Variants in TTC7B observed in about 807,000 individuals in gnomAD.
The protein encoded by TTC7B is tetratricopeptide repeat domain 7B.
Under a neutral mutation model 106.8 loss-of-function variants are expected in TTC7B, and 28 were observed. The ratio of observed to expected loss-of-function variants is 0.26; its 90% CI spans 0.19 to 0.36. The LOEUF (loss-of-function observed/expected upper bound fraction) is 0.36. Ranked by LOEUF, TTC7B falls within the 10% of genes least tolerant of loss-of-function variation. TTC7B has a pLI of 1.00. For missense variants in TTC7B, 862 were observed against 1,076.4 expected, an observed-to-expected ratio of 0.80 and a Z score of 2.79; for synonymous variants, 405 against 430.6, an observed-to-expected ratio of 0.94 and a Z score of 0.74.
At chr14:90,729,885 G>C (rs529958246) in intron 5 of TTC7B, among the ~76,000 whole-genome samples, 190 bp downstream of exon 5, 17 of 151,938 alleles carry the variant, frequency 1.1e-4, no homozygotes, top group African/African-American at 4.1e-4. Context: ...ACATCTCATG[G>C]GAAAGCAAGA....
intron 5 of TTC7B, among the ~76,000 whole-genome samples, chr14:90,725,418 C>T (rs1277163427): frequency 6.6e-6 from 1 of 152,230 alleles, no homozygotes; most frequent in Non-Finnish European, 1.5e-5. Flanking sequence ...AGAAGGGCCT[C>T]TTGGACTCCT....
rs568637372 is a variant in TTC7B at position 90,593,817 on chromosome 14, A to G, written c.1967-191T>C. 17 of 491,670 alleles carry G rather than the reference A, an allele frequency of 3.5e-5. 1 individual carries two copies. The South Asian group carries it at 6.7e-4, about 19-fold the overall frequency. 30.5% of individuals were successfully genotyped at this position (491,670 alleles called of 1,614,324 possible). A position where few individuals can be genotyped will look rare whatever the true frequency, so the allele number is the denominator to read the frequency against. On this transcript the variant is annotated intron_variant, in intron 17 of 19. Coordinates refer to ENST00000328459, the MANE Select transcript of TTC7B (RefSeq NM_001010854.2). ...AGTTTCCATCCTTGGGCTTTAGCTAATCTTTTTGTCAACAAACAGAGCACA... is the reference window on the plus strand; with the variant it reads ...AGTTTCCATCCTTGGGCTTTAGCTAGTCTTTTTGTCAACAAACAGAGCACA...
Position 90,537,375 on chromosome 14 carries a change from G to GGGGT in TTC7B, c.*3992_*3993insACCC, listed in dbSNP as rs147720105. 1.5e-5 allele frequency: 2 copies of GGGGT among 135,280 alleles called. No individual in the cohort carries two copies. Among genetic ancestry groups the GGGGT allele is most frequent in the African/African-American group, 6.4e-5 (2 of 31,326 alleles). The allele number at this position is 135,280 out of a possible 1,614,324, so 8.4% of individuals were successfully genotyped here. Reference sequence around the variant, plus strand: ...CTATTTTTTTTTTTTTGTAGAGATGGGGGGGGGGTCTCACCATGTTGCCCA... The same window carrying GGGGT: ...CTATTTTTTTTTTTTTGTAGAGATGGGGGTGGGGGGGGTCTCACCATGTTGCCCA... On this transcript the variant is annotated 3_prime_UTR_variant, in exon 20 of 20. Transcript: ENST00000328459.
intron 17 of TTC7B, among the ~76,000 whole-genome samples, chr14:90,609,445 G>A (rs550352864): frequency 9.2e-5 from 14 of 152,326 alleles, no homozygotes; most frequent in African/African-American, 2.9e-4. Flanking sequence ...CTGTTGGGGT[G>A]GGCCAGGCTT....
At chr14:90,634,493 C>G (rs546052526) in intron 15 of TTC7B, among the ~76,000 whole-genome samples, 1 of 151,624 alleles carries the variant, frequency 6.6e-6, no homozygotes, top group East Asian at 1.9e-4. Context: ...AGAGGGAGGC[C>G]GGGTGGGGTG....
chr14:90,730,206 G>T lies in TTC7B; in HGVS notation c.577-10C>A. On this transcript the variant is annotated splice_polypyrimidine_tract_variant and intron_variant, in intron 4 of 19. Transcript: ENST00000328459. ...TATTAGAAAGTATTACCTAGAAGGGGAGAAAATTGGAAAACTAATCAGATG... is the reference window on the plus strand; with the variant it reads ...TATTAGAAAGTATTACCTAGAAGGGTAGAAAATTGGAAAACTAATCAGATG... 6.3e-7 allele frequency: 1 copy of T among 1,593,328 alleles called. No homozygotes were observed. The highest frequency in any genetic ancestry group is 8.5e-7 in the Non-Finnish European group (1 of 1,174,224).
At chr14:90,747,331 C>G (rs560306043) in intron 3 of TTC7B, among the ~76,000 whole-genome samples, 2 of 152,232 alleles carry the variant, frequency 1.3e-5, no homozygotes, top group Non-Finnish European at 2.9e-5. Flanking sequence ...TGAGCCTGGT[C>G]TCTCCTGAAT....
intron 6 of TTC7B, among the ~76,000 whole-genome samples, chr14:90,693,989 G>A (rs944629772): frequency 7.2e-5 from 11 of 152,144 alleles, no homozygotes; most frequent in Non-Finnish European, 1.0e-4. Flanking sequence ...CAAATAAAAT[G>A]TGATATATCC....
intron 5 of TTC7B, among the ~76,000 whole-genome samples, chr14:90,711,576 C>G (rs1888449226): frequency 6.6e-6 from 1 of 152,172 alleles, no homozygotes; most frequent in African/African-American, 2.4e-5. Flanking sequence ...TGCCCACCAC[C>G]ATGCCCAGAT....
chr14:90,755,487 G>T (rs1890260613), intron 3 of TTC7B, among the ~76,000 whole-genome samples: 1 of 151,968 alleles, frequency 6.6e-6, no homozygotes, highest in African/African-American at 2.4e-5. Context: ...ATCTTTAAAA[G>T]AAATAATAAT....
rs1454345007 is a variant in TTC7B, at chr14:90,537,440, C to T, written c.*3928G>A. 6.6e-6 allele frequency: 1 copy of T among 151,908 alleles called. No individual in the cohort carries two copies. Among genetic ancestry groups the T allele is most frequent in the Admixed American group, 6.6e-5 (1 of 15,252 alleles). 9.4% of individuals were successfully genotyped at this position (151,908 alleles called of 1,614,324 possible). A position where few individuals can be genotyped will look rare whatever the true frequency, so the allele number is the denominator to read the frequency against. ...TCCTGGCCTCAGCTGATTCTCCTGC[C>T]TCAGCCTCCCTAAGTGCTGGGATTA... is the stretch of plus-strand genomic sequence containing the variant. On this transcript the variant is annotated 3_prime_UTR_variant, in exon 20 of 20. Transcript: ENST00000328459.
chr14:90,743,977 G>A (rs991661352), intron 4 of TTC7B, among the ~76,000 whole-genome samples: 18 of 152,296 alleles, frequency 1.2e-4, no homozygotes, highest in Admixed American at 5.2e-4. Context: ...TCAGCTGCTC[G>A]TTTCCATCAC....
At chr14:90,721,544 G>T (rs1014948817) in intron 5 of TTC7B, among the ~76,000 whole-genome samples, 1 of 151,902 alleles carries the variant, frequency 6.6e-6, no homozygotes, top group East Asian at 1.9e-4. Flanking sequence ...TTTTAATTAC[G>T]TGAGACCAAT....
At chr14:90,738,116 A>G (rs1339202584) in intron 4 of TTC7B, among the ~76,000 whole-genome samples, 1 of 152,238 alleles carries the variant, frequency 6.6e-6, no homozygotes, top group East Asian at 1.9e-4. Context: ...AGAAAAGAAA[A>G]TAGAAATATA....
chr14:90,774,398 G>A (rs868026355), intron 3 of TTC7B, among the ~76,000 whole-genome samples: 1 of 152,208 alleles, frequency 6.6e-6, no homozygotes, highest in Admixed American at 6.5e-5. Context: ...CTAGAAAATG[G>A]ATCTGCAGCA....
chr14:90,534,014 G>A lies in TTC7B; in HGVS notation c.*7354C>T, dbSNP rs1555372473. ...GCAGACTCACATCTCAGCCCAGAAG[G>A]CAGGCTGGGCAGAGGTGACTGTCCT... On this transcript the variant is annotated 3_prime_UTR_variant, in exon 20 of 20. Transcript: ENST00000328459. 1 of 152,328 alleles carries A rather than the reference G, an allele frequency of 6.6e-6. No homozygotes were observed. The highest frequency in any genetic ancestry group is 1.5e-5 in the Non-Finnish European group (1 of 68,110). 9.4% of individuals were successfully genotyped at this position (152,328 alleles called of 1,614,324 possible). A position where few individuals can be genotyped will look rare whatever the true frequency, so the allele number is the denominator to read the frequency against.
intron 16 of TTC7B, among the ~76,000 whole-genome samples, chr14:90,613,260 C>T (rs952224602): frequency 1.3e-5 from 2 of 151,822 alleles, no homozygotes; most frequent in East Asian, 1.9e-4. Context: ...CCAGGCTTGG[C>T]GGCATGCACC....
intron 18 of TTC7B, among the ~76,000 whole-genome samples, chr14:90,580,764 G>A (rs2035435957): frequency 6.6e-6 from 1 of 152,200 alleles, no homozygotes; most frequent in African/African-American, 2.4e-5. Flanking sequence ...CAGCTGAAAG[G>A]AAAGCCCAGC....
At chr14:90,720,363 T>C (rs1888845655) in intron 5 of TTC7B, among the ~76,000 whole-genome samples, 1 of 152,212 alleles carries the variant, frequency 6.6e-6, no homozygotes, top group Non-Finnish European at 1.5e-5. Context: ...TCCAAGAGTA[T>C]AACGATCTGA....
Sources: gnomAD v4.1 joint callset for allele counts (sites outside exome capture counted in the v4.1 genomes callset) on GRCh38, gnomAD v4.1.1 for gene constraint, MANE v1.5 for transcripts, NCBI Gene and HGNC (gene_info 2026-07-23, HGNC 2026-07-21) for gene names.